Variants in NAALADL2 observed in about 807,000 individuals in gnomAD.
NAALADL2 encodes the protein N-acetylated alpha-linked acidic dipeptidase like 2, also known as inactive N-acetylated-alpha-linked acidic dipeptidase-like protein 2.
In NAALADL2, 76 loss-of-function variants were observed where a neutral mutation model predicts 87.2. The observed-to-expected ratio is 0.87, with a 90% CI of 0.72 to 1.05. The LOEUF (loss-of-function observed/expected upper bound fraction) is 1.05. NAALADL2 is among the 50% of genes least tolerant of loss of function. The pLI is 0.00. For synonymous variants in NAALADL2, 354 were observed against 331.0 expected (o/e 1.07, Z -0.75); for missense variants, 1,089 against 945.8 (o/e 1.15, Z -1.99).
chr3:175,335,231 T>G (rs932723694), intron 5 of NAALADL2, among the ~76,000 whole-genome samples: 18 of 152,140 alleles, frequency 1.2e-4, no homozygotes, highest in African/African-American at 4.1e-4. Flanking sequence ...GAAATAAAAT[T>G]TAAAAGGCAG....
chr3:175,131,387 A>G (rs1432093276), intron 2 of NAALADL2, among the ~76,000 whole-genome samples: 6 of 152,106 alleles, frequency 3.9e-5, no homozygotes, highest in Non-Finnish European at 5.9e-5. Context: ...GCATCTGTTT[A>G]ACAAAGCACA....
intron 1 of NAALADL2, among the ~76,000 whole-genome samples, chr3:174,861,519 G>A (rs1726503302): frequency 6.6e-6 from 1 of 152,044 alleles, no homozygotes; most frequent in Non-Finnish European, 1.5e-5. Context: ...AATACTCATT[G>A]TCAGCTCCAC....
intron 11 of NAALADL2, among the ~76,000 whole-genome samples, chr3:175,690,720 A>G (rs1342746716): frequency 6.6e-6 from 1 of 152,040 alleles, no homozygotes; most frequent in African/African-American, 2.4e-5. Context: ...GAGGAGATTA[A>G]CCAAATTTTC....
At chr3:174,972,468 C>T (rs1341955663) in intron 1 of NAALADL2, among the ~76,000 whole-genome samples, 2 of 152,252 alleles carry the variant, frequency 1.3e-5, no homozygotes, top group African/African-American at 2.4e-5. Context: ...TCTCTCTGCG[C>T]TCTCTAGTCT....
chr3:174,870,158 G>A (rs1427450614), intron 1 of NAALADL2, among the ~76,000 whole-genome samples: 3 of 151,906 alleles, frequency 2.0e-5, no homozygotes, highest in Admixed American at 2.0e-4. Context: ...GGTAGAGATT[G>A]TTATTCTGGA....
At chr3:175,306,808 T>C (rs956762790) in intron 4 of NAALADL2, among the ~76,000 whole-genome samples, 1 of 152,200 alleles carries the variant, frequency 6.6e-6, no homozygotes, top group African/African-American at 2.4e-5. Context: ...GTCATGCCAC[T>C]GCACTCCAAC....
At chr3:175,718,281 G>A (rs147697053) in intron 11 of NAALADL2, 1 of 1,311,894 alleles carries the variant, frequency 7.6e-7, no homozygotes, top group Non-Finnish European at 1.0e-6. Flanking sequence ...ATTTTCTTTA[G>A]ACATCGTTAG....
intron 1 of NAALADL2, among the ~76,000 whole-genome samples, chr3:174,478,544 T>C (rs779571821): frequency 6.6e-6 from 1 of 152,146 alleles, no homozygotes; most frequent in Non-Finnish European, 1.5e-5. Context: ...ATAGTACTCA[T>C]TGATAGCCTC....
intron 1 of NAALADL2, among the ~76,000 whole-genome samples, chr3:174,999,652 A>G (rs1288329405): frequency 2.0e-5 from 3 of 152,220 alleles, no homozygotes; most frequent in Non-Finnish European, 4.4e-5. Context: ...TGCTAAATAC[A>G]GTTGTAAGTC....
intron 1 of NAALADL2, among the ~76,000 whole-genome samples, chr3:174,987,597 A>AAAAAAAAAT (rs1746099701): frequency 7.0e-6 from 1 of 143,312 alleles, no homozygotes; most frequent in African/African-American, 2.7e-5. Context: ...AAAAAAAAAA[A>AAAAAAAAAT]ACAATACTCA....
intron 9 of NAALADL2, among the ~76,000 whole-genome samples, chr3:175,573,164 A>G (rs1718341536): frequency 6.6e-6 from 1 of 152,214 alleles, no homozygotes; most frequent in Non-Finnish European, 1.5e-5. Flanking sequence ...GTTGAGAAAA[A>G]AATTTCGATC....
Position 174,766,899 on chromosome 3 carries a change from C to T in NAALADL2, c.-9+29153C>T, listed in dbSNP as rs140126329. Among the ~76,000 whole-genome samples, 7 of 152,240 alleles carry T rather than the reference C, an allele frequency of 4.6e-5. No individual in the cohort carries two copies. The East Asian group carries it at 1.2e-3, about 25-fold the overall frequency. The stretch of plus-strand genomic sequence containing the variant: ...CAGGCTGAAATTTCTTTACTATCTG[C>T]GGATCTTGGGCAGAGCCTGCATGGA... On this transcript the variant is annotated intron_variant, in intron 3 of 3. Coordinates refer to the NAALADL2 transcript ENST00000434257.
intron 5 of NAALADL2, among the ~76,000 whole-genome samples, chr3:175,375,858 A>G (rs1224882223): frequency 6.6e-6 from 1 of 151,240 alleles, no homozygotes; most frequent in Non-Finnish European, 1.5e-5. Context: ...TTGTTAATTG[A>G]GTATTATATT....
intron 13 of NAALADL2, among the ~76,000 whole-genome samples, chr3:175,782,718 C>G (rs1371261002): frequency 1.5e-5 from 2 of 135,772 alleles, no homozygotes; most frequent in Non-Finnish European, 3.1e-5. Flanking sequence ...AATTAGATCC[C>G]ATTTGTCAAT....
At chr3:174,594,061 G>T (rs1717643463) in intron 2 of NAALADL2, among the ~76,000 whole-genome samples, 1 of 152,118 alleles carries the variant, frequency 6.6e-6, no homozygotes, top group South Asian at 2.1e-4. Context: ...ACTTGTTTTA[G>T]ATTGCAAATA....
intron 9 of NAALADL2, among the ~76,000 whole-genome samples, chr3:175,563,242 C>G (rs1311034607): frequency 1.3e-5 from 2 of 152,160 alleles, no homozygotes; most frequent in African/African-American, 2.4e-5. Context: ...TCTATCTCAT[C>G]TGCAGTCATG....
In NAALADL2 at chr3:175,191,975, A is replaced by G. The variant is rs148446351; in HGVS notation, c.546-41956A>G. The stretch of plus-strand genomic sequence containing the variant: ...AATAAACACATTTGTTCTCCCCAAA[A>G]TGAAATAATTTTAAGGTCCATTCTA... On this transcript the variant is annotated intron_variant, in intron 2 of 13. Coordinates refer to ENST00000454872, the MANE Select transcript of NAALADL2 (RefSeq NM_207015.3). Among the ~76,000 whole-genome samples the G allele has an allele frequency of 2.0e-4, 31 of 151,306 alleles. No individual in the cohort carries two copies. The East Asian group carries it at 6.0e-3, about 29-fold the overall frequency.
chr3:175,014,756 A>C (rs139176108), intron 1 of NAALADL2, among the ~76,000 whole-genome samples: 1 of 152,304 alleles, frequency 6.6e-6, no homozygotes, highest in Non-Finnish European at 1.5e-5. Flanking sequence ...CTATCTAATT[A>C]GATTTGAAAT....
chr3:174,852,339 A>G (rs891614504), intron 3 of NAALADL2, among the ~76,000 whole-genome samples: 8 of 152,142 alleles, frequency 5.3e-5, no homozygotes, highest in Non-Finnish European at 1.2e-4. Flanking sequence ...CACCAAAAAA[A>G]CAATTAGAAC....
Sources: gnomAD v4.1 joint callset for allele counts (sites outside exome capture counted in the v4.1 genomes callset) on GRCh38, gnomAD v4.1.1 for gene constraint, MANE v1.5 for transcripts, NCBI Gene and HGNC (gene_info 2026-07-23, HGNC 2026-07-21) for gene names.